Variants in SAMTOR observed in about 807,000 individuals in gnomAD.
SAMTOR encodes the protein UPF0532 protein C7orf60.
At chr7:112,939,442 T>G in the SAMTOR span, 2 of 1,287,716 alleles carry the variant, frequency 1.6e-6, no homozygotes, top group Non-Finnish European at 2.1e-6. Flanking sequence ...ACTAGGGGGC[T>G]CAGACCAGGC....
At chr7:112,936,595 C>G in the SAMTOR span, among the ~76,000 whole-genome samples, 4 of 152,226 alleles carry the variant, frequency 2.6e-5, no homozygotes, top group Admixed American at 1.3e-4. Flanking sequence ...CAAAAAAGAA[C>G]AACACAACTT....
chr7:112,822,574 T>A, the SAMTOR span, among the ~76,000 whole-genome samples: 2 of 152,138 alleles, frequency 1.3e-5, no homozygotes, highest in Non-Finnish European at 2.9e-5. Flanking sequence ...TCCAAAGACC[T>A]GCTAATCATC....
the SAMTOR span, among the ~76,000 whole-genome samples, chr7:112,865,298 A>C: frequency 6.6e-6 from 1 of 151,430 alleles, no homozygotes; most frequent in African/African-American, 2.4e-5. Flanking sequence ...CTTTTTTTTG[A>C]GATAGAGTCT....
the SAMTOR span, chr7:112,915,406 C>T: frequency 6.2e-7 from 1 of 1,613,424 alleles, no homozygotes; most frequent in Non-Finnish European, 8.5e-7. Flanking sequence ...AGAGTTTCTT[C>T]ATCCTCACAG....
chr7:112,820,780 A>G, the SAMTOR span: 2 of 152,032 alleles, frequency 1.3e-5, no homozygotes, highest in African/African-American at 2.4e-5. Context: ...CAGAGGGTTA[A>G]TTTTAGGTTT....
At chr7:112,923,859 C>T in the SAMTOR span, among the ~76,000 whole-genome samples, 231 of 152,128 alleles carry the variant, frequency 1.5e-3, 1 homozygote, top group Middle Eastern at 3.4e-3. Context: ...AATACTATGC[C>T]GCCATAAAAA....
the SAMTOR span, among the ~76,000 whole-genome samples, chr7:112,928,440 A>G: frequency 6.6e-6 from 1 of 151,998 alleles, no homozygotes; most frequent in Non-Finnish European, 1.5e-5. Context: ...TCATTCATTT[A>G]TACATACTGT....
chr7:112,939,755 C>T, the SAMTOR span: 35 of 1,590,158 alleles, frequency 2.2e-5, no homozygotes, highest in South Asian at 3.3e-4. Context: ...CTCCATATCG[C>T]AGCCGCCGCC....
At chr7:112,871,027 T>C in the SAMTOR span, among the ~76,000 whole-genome samples, 4 of 152,160 alleles carry the variant, frequency 2.6e-5, no homozygotes, top group Admixed American at 2.6e-4. Context: ...TGCAGATTCA[T>C]AAAATAATTA....
chr7:112,912,422 G>T, the SAMTOR span, among the ~76,000 whole-genome samples: 10 of 151,784 alleles, frequency 6.6e-5, no homozygotes, highest in Non-Finnish European at 1.5e-4. Flanking sequence ...ATGTCAGTAA[G>T]GCTTACCTCA....
the SAMTOR span, among the ~76,000 whole-genome samples, chr7:112,851,263 C>A: frequency 0.011 from 1,625 of 152,064 alleles, 30 homozygotes; most frequent in African/African-American, 0.037. Context: ...CAAAAAGAAC[C>A]AAGCTGGAAT....
the SAMTOR span, among the ~76,000 whole-genome samples, chr7:112,885,207 C>T: frequency 6.6e-6 from 1 of 152,172 alleles, no homozygotes; most frequent in Non-Finnish European, 1.5e-5. Flanking sequence ...CATTTTTCCT[C>T]CCTAGGCTTC....
the SAMTOR span, among the ~76,000 whole-genome samples, chr7:112,872,257 A>G: frequency 6.6e-6 from 1 of 152,190 alleles, no homozygotes; most frequent in Non-Finnish European, 1.5e-5. Flanking sequence ...CAAATCCAGC[A>G]GCACATCAGA....
At chr7:112,836,220 G>A in the SAMTOR span, among the ~76,000 whole-genome samples, 3 of 152,102 alleles carry the variant, frequency 2.0e-5, no homozygotes, top group African/African-American at 7.2e-5. Context: ...GTTTTGATTT[G>A]CATTTCTCTA....
the SAMTOR span, among the ~76,000 whole-genome samples, chr7:112,868,291 G>C: frequency 6.6e-6 from 1 of 152,204 alleles, no homozygotes; most frequent in African/African-American, 2.4e-5. Context: ...AGTGCGTAAA[G>C]ATCAATATGT....
At chr7:112,901,233 C>A in the SAMTOR span, among the ~76,000 whole-genome samples, 6 of 152,210 alleles carry the variant, frequency 3.9e-5, no homozygotes, top group African/African-American at 1.4e-4. Flanking sequence ...AGTGAAGCTT[C>A]GTCTGTATTT....
the SAMTOR span, among the ~76,000 whole-genome samples, chr7:112,830,707 T>C: frequency 2.0e-5 from 3 of 152,202 alleles, no homozygotes; most frequent in Admixed American, 2.0e-4. Context: ...GTAATGGTTT[T>C]AGGACTTGCT....
chr7:112,850,144 T>C, the SAMTOR span, among the ~76,000 whole-genome samples: 1 of 152,138 alleles, frequency 6.6e-6, no homozygotes, highest in South Asian at 2.1e-4. Context: ...GAGGTTGTGG[T>C]GAGCCAATAT....
At chr7:112,837,503 C>T in the SAMTOR span, among the ~76,000 whole-genome samples, 6 of 151,986 alleles carry the variant, frequency 3.9e-5, no homozygotes, top group South Asian at 8.3e-4. Flanking sequence ...TTTTTTGACA[C>T]AAATCCATGT....
Sources: gnomAD v4.1 joint callset for allele counts (sites outside exome capture counted in the v4.1 genomes callset) on GRCh38, gnomAD v4.1.1 for gene constraint, MANE v1.5 for transcripts, NCBI Gene and HGNC (gene_info 2026-07-23, HGNC 2026-07-21) for gene names.